Variants in SCG3 observed in about 807,000 individuals in gnomAD.
SCG3 encodes secretogranin III, also known as secretogranin-3.
SCG3 carries 38 observed loss-of-function variants against 56.2 expected under a neutral mutation model. The observed-to-expected ratio is 0.68, with a 90% CI of 0.52 to 0.89. The LOEUF (loss-of-function observed/expected upper bound fraction) is 0.89. SCG3 is among the 40% of genes least tolerant of loss of function. The pLI is 0.00. For synonymous variants in SCG3, 176 were observed against 184.2 expected (o/e 0.96, Z 0.36); for missense variants, 524 against 540.7 (o/e 0.97, Z 0.31).
At chr15:51,682,946 C>A in intron 2 of SCG3, 133 bp from the exon 3 acceptor site, 1 of 685,046 alleles carries the variant, frequency 1.5e-6, no homozygotes. Context: ...TAACAGTGCT[C>A]TGAAATAGGA....
chr15:51,715,600 T>C (rs1330406875), intron 11 of SCG3, among the ~76,000 whole-genome samples: 2 of 152,094 alleles, frequency 1.3e-5, no homozygotes, highest in African/African-American at 2.4e-5. Flanking sequence ...AGCCCTTCTC[T>C]CCTTTGAGCC....
At chr15:51,717,266 G>T (rs989107483) in intron 11 of SCG3, among the ~76,000 whole-genome samples, 8 of 152,040 alleles carry the variant, frequency 5.3e-5, no homozygotes, top group Non-Finnish European at 1.0e-4. Flanking sequence ...TGCTCAGGAG[G>T]CTGAGGCAGA....
chr15:51,695,875 A>G lies in SCG3; in HGVS notation c.869A>G (p.Glu290Gly). ...FYALLKSIDS[E>G]KEAKEKETLI... ...TAAGTTATTTTGTTCTTTCATATAGAAAAAGAAGCAAAAGAGAAAGAAACA... is the reference window on the plus strand; with the variant it reads ...TAAGTTATTTTGTTCTTTCATATAGGAAAAGAAGCAAAAGAGAAAGAAACA... Residue 290 changes from glutamate (E) to glycine (G), a missense_variant and splice_region_variant, in exon 8 of 12, where the codon GAA becomes GGA. Coordinates refer to ENST00000220478, the MANE Select transcript of SCG3 (RefSeq NM_013243.4). The G allele has an allele frequency of 6.4e-7, 1 of 1,561,054 alleles. No individual in the cohort carries two copies. The highest frequency in any genetic ancestry group is 8.8e-7 in the Non-Finnish European group (1 of 1,135,430).
In SCG3 at chr15:51,720,049, G is replaced by A. The variant is rs2055486413; in HGVS notation, c.*523G>A. The A allele has an allele frequency of 6.6e-6, 1 of 152,402 alleles. No homozygotes were observed. Among genetic ancestry groups the A allele is most frequent in the Non-Finnish European group, 1.5e-5 (1 of 68,238 alleles). The allele number at this position is 152,402 out of a possible 1,614,324, so 9.4% of individuals were successfully genotyped here. ...GCTTTTTTGGCTGCTCTTTTTAGCT[G>A]GCTTTTTATTAGGCTCAGTGACATA... On this transcript the variant is annotated 3_prime_UTR_variant, in exon 12 of 12. Coordinates refer to ENST00000220478, the MANE Select transcript of SCG3 (RefSeq NM_013243.4).
intron 4 of SCG3, among the ~76,000 whole-genome samples, chr15:51,684,123 G>T (rs1017232241): frequency 6.6e-6 from 1 of 152,098 alleles, no homozygotes; most frequent in Admixed American, 6.5e-5. Context: ...AGAAATCTAG[G>T]ATCAAACTAT....
chr15:51,704,781 A>ATATATATATATG (rs2055363957), intron 10 of SCG3, among the ~76,000 whole-genome samples: 1 of 133,132 alleles, frequency 7.5e-6, no homozygotes, highest in Non-Finnish European at 1.7e-5. Flanking sequence ...ATATATATAT[A>ATATATATATATG]TATATATATA....
chr15:51,687,588 G>A (rs1451461119), intron 4 of SCG3, among the ~76,000 whole-genome samples: 2 of 152,174 alleles, frequency 1.3e-5, no homozygotes, highest in East Asian at 1.9e-4. Flanking sequence ...GTGCAGATCT[G>A]TTGCCATATT....
In SCG3 at chr15:51,719,621, AG is replaced by A; in HGVS notation, c.*98del. 1 of 847,216 alleles carries A rather than the reference AG, an allele frequency of 1.2e-6. No individual in the cohort carries two copies. The allele number at this position is 847,216 out of a possible 1,614,324, so 52.5% of individuals were successfully genotyped here. A position where few individuals can be genotyped will look rare whatever the true frequency, so the allele number is the denominator to read the frequency against. On this transcript the variant is annotated 3_prime_UTR_variant, in exon 12 of 12. Coordinates refer to ENST00000220478, the MANE Select transcript of SCG3 (RefSeq NM_013243.4). ...TCTGTGATTAAAATTTTTTGACCCA[AG>A]GGTTATTAGAAAGTGCTGAATTTAC...
intron 10 of SCG3, among the ~76,000 whole-genome samples, chr15:51,704,236 C>CGTGT (rs2055356533): frequency 1.8e-5 from 1 of 54,310 alleles, no homozygotes; most frequent in Admixed American, 2.2e-4. Context: ...TGTATACATA[C>CGTGT]ATACATACAT....
intron 10 of SCG3, among the ~76,000 whole-genome samples, chr15:51,705,269 A>G (rs1168972126): frequency 1.3e-5 from 2 of 152,106 alleles, no homozygotes; most frequent in East Asian, 3.9e-4. Flanking sequence ...TGCTTTAAAC[A>G]CCACCTTCTA....
chr15:51,690,544 A>G (rs1237869659), intron 6 of SCG3, among the ~76,000 whole-genome samples: 1 of 150,842 alleles, frequency 6.6e-6, no homozygotes, highest in Non-Finnish European at 1.5e-5. Flanking sequence ...TTTACTGGAT[A>G]GCCTAAAAAC....
At chr15:51,708,936 T>C (rs868457014) in intron 10 of SCG3, among the ~76,000 whole-genome samples, 71 of 152,170 alleles carry the variant, frequency 4.7e-4, no homozygotes, top group African/African-American at 1.7e-3. Context: ...GTCTAAAAGG[T>C]GAATTTGACC....
chr15:51,711,917 C>G (rs1222565010), intron 10 of SCG3, among the ~76,000 whole-genome samples: 3 of 152,068 alleles, frequency 2.0e-5, no homozygotes, highest in Non-Finnish European at 2.9e-5. Context: ...GCTTCAAGAT[C>G]AGGAAGAAAG....
chr15:51,695,099 G>A (rs2055294375), intron 7 of SCG3, among the ~76,000 whole-genome samples: 1 of 151,888 alleles, frequency 6.6e-6, no homozygotes, highest in Admixed American at 6.6e-5. Context: ...GGAGTTAGAG[G>A]GGATGAGGAA....
Position 51,701,795 on chromosome 15 carries a change from G to A in SCG3, c.1207+551G>A, listed in dbSNP as rs530944996. 4.3e-3 allele frequency among the ~76,000 whole-genome samples: 648 copies of A among 152,214 alleles called. 10 individuals carry two copies. The highest frequency in any genetic ancestry group is 0.015 in the African/African-American group (631 of 41,508). On this transcript the variant is annotated intron_variant, in intron 10 of 11. Transcript: ENST00000220478. ...GTGGCACATGCCTATAGTTTTAGCT[G>A]CTCAGGAGGCTGAGGTGGGAGGATC...
chr15:51,702,495 G>A (rs575243843), intron 10 of SCG3, among the ~76,000 whole-genome samples: 2 of 152,290 alleles, frequency 1.3e-5, no homozygotes, highest in Non-Finnish European at 2.9e-5. Flanking sequence ...GACCTCAAGT[G>A]ATCCCCCCGC....
At chr15:51,689,156 A>C in intron 5 of SCG3, 63 bp from the exon 6 acceptor site, 1 of 1,528,522 alleles carries the variant, frequency 6.5e-7, no homozygotes, top group South Asian at 1.2e-5. Flanking sequence ...TTTAGTCCAC[A>C]TTATTTTTTA....
At chr15:51,696,492 A>G (rs957857537) in intron 8 of SCG3, among the ~76,000 whole-genome samples, 3 of 152,202 alleles carry the variant, frequency 2.0e-5, no homozygotes, top group Admixed American at 1.3e-4. Flanking sequence ...CTGAGGTTGC[A>G]GTGAGCCAAG....
rs972457210 is a variant in SCG3 at position 51,681,849 on chromosome 15, C to T, written c.82+12C>T. 3.7e-6 allele frequency: 6 copies of T among 1,607,884 alleles called. No homozygotes were observed. The highest frequency in any genetic ancestry group is 5.1e-6 in the Non-Finnish European group (6 of 1,174,626). ...TGGAGGAAGCCAAGGTATGTGAACA[C>T]TTTTCTTCTTCCTACCTTCCTTTTA... On this transcript the variant is annotated intron_variant, in intron 1 of 11. Transcript: ENST00000220478.
Sources: allele counts gnomAD v4.1 joint callset (sites outside exome capture counted in the v4.1 genomes callset), GRCh38; gene constraint gnomAD v4.1.1; transcripts MANE v1.5; gene names NCBI Gene and HGNC (gene_info 2026-07-23, HGNC 2026-07-21).